Variants in ATP13A2 observed in about 807,000 individuals in gnomAD.
ATP13A2 encodes polyamine-transporting ATPase 13A2.
ATP13A2 carries 83 observed loss-of-function variants against 138.3 expected under a neutral mutation model. That is an observed-to-expected ratio of 0.60 (90% CI 0.50 to 0.72). ATP13A2 has a LOEUF of 0.72. Among genes scored for constraint, ATP13A2 ranks in the 30% least tolerant of loss-of-function variants. The pLI, the probability that ATP13A2 is intolerant of heterozygous loss-of-function variation, is 0.00. For missense variants in ATP13A2, 1,402 were observed against 1,606.4 expected (o/e 0.87, Z 2.17); for synonymous variants, 663 against 699.0 (o/e 0.95, Z 0.81).
chr1:16,998,273 C>T (rs990071306), intron 11 of ATP13A2, among the ~76,000 whole-genome samples: 16 of 152,140 alleles, frequency 1.1e-4, no homozygotes, highest in Non-Finnish European at 1.8e-4. Context: ...GGTGCGATCT[C>T]GGCTCACTGC....
chr1:17,005,091 G>A lies in ATP13A2; in HGVS notation c.289-19C>T. The A allele has an allele frequency of 6.2e-7, 1 of 1,614,004 alleles. No individual in the cohort carries two copies. Among genetic ancestry groups the A allele is most frequent in the Non-Finnish European group, 8.5e-7 (1 of 1,179,960 alleles). On this transcript the variant is annotated intron_variant, in intron 3 of 28. Coordinates refer to ENST00000326735, the MANE Select transcript of ATP13A2 (RefSeq NM_022089.4). Reference sequence around the variant, plus strand: ...AACTATCCTGGAACACAGAGGTATGGACTCAGTCTCAGAAGAGTCCCCTCC... The same window carrying A: ...AACTATCCTGGAACACAGAGGTATGAACTCAGTCTCAGAAGAGTCCCCTCC...
rs1412871896 is a variant in ATP13A2, at chr1:16,986,056, A to G, written c.*165T>C. 2.7e-6 allele frequency: 4 copies of G among 1,507,150 alleles called. No homozygotes were observed. The highest frequency in any genetic ancestry group is 4.9e-5 in the East Asian group (2 of 40,694). 93.4% of individuals were successfully genotyped at this position (1,507,150 alleles called of 1,614,324 possible). A position where few individuals can be genotyped will look rare whatever the true frequency, so the allele number is the denominator to read the frequency against. ...CGCGGGATGGTCCAAGGTAGGGGAC[A>G]GTAGTCAACGCTTCCCCAGGGTGGG... On this transcript the variant is annotated 3_prime_UTR_variant, in exon 29 of 29. Transcript: ENST00000326735. The surrounding 1 kb of genome is among the most constrained non-coding windows in gnomAD (Gnocchi z 6.9).
chr1:17,007,709 G>C (rs943784319), intron 1 of ATP13A2, among the ~76,000 whole-genome samples: 3 of 151,798 alleles, frequency 2.0e-5, no homozygotes, highest in Non-Finnish European at 2.9e-5. Context: ...CCGCCACCAC[G>C]CCCGGCTAAT....
chr1:17,001,692 T>C (rs2077363011), intron 8 of ATP13A2, among the ~76,000 whole-genome samples: 2 of 152,102 alleles, frequency 1.3e-5, no homozygotes, highest in African/African-American at 2.4e-5. Context: ...CACGGGACTG[T>C]TGGGAGCATG....
chr1:17,004,050 T>C lies in ATP13A2; in HGVS notation c.557+282A>G, dbSNP rs2077461740. Reference sequence around the variant, plus strand: ...TCTGAGTACAGAGCTGATAGTCTGATTCACAGTGGTGTCACAACCTCAGAT... The same window carrying C: ...TCTGAGTACAGAGCTGATAGTCTGACTCACAGTGGTGTCACAACCTCAGAT... On this transcript the variant is annotated intron_variant, in intron 6 of 28. Coordinates refer to ENST00000326735, the MANE Select transcript of ATP13A2 (RefSeq NM_022089.4). The surrounding 1 kb of genome is among the most constrained non-coding windows in gnomAD (Gnocchi z 4.1). Among the ~76,000 whole-genome samples, 1 of 152,242 alleles carries C rather than the reference T, an allele frequency of 6.6e-6. No individual in the cohort carries two copies.
In ATP13A2 at chr1:17,004,418, G is replaced by A. The variant is rs753369965; in HGVS notation, c.478-7C>T. Reference sequence around the variant, plus strand: ...AATACCGCAGCACCCGCTTCTGGGTGGGAGAGAGGAGAGGATGGGTTGGAA... The same window carrying A: ...AATACCGCAGCACCCGCTTCTGGGTAGGAGAGAGGAGAGGATGGGTTGGAA... On this transcript the variant is annotated splice_region_variant and splice_polypyrimidine_tract_variant and intron_variant, in intron 5 of 28. Coordinates refer to ENST00000326735, the MANE Select transcript of ATP13A2 (RefSeq NM_022089.4). The surrounding 1 kb of genome is among the most constrained non-coding windows in gnomAD (Gnocchi z 4.1). 6.2e-6 allele frequency: 10 copies of A among 1,614,010 alleles called. No individual in the cohort carries two copies. The Admixed American group carries it at 1.7e-4, about 27-fold the overall frequency.
chr1:17,006,398 G>A (rs548136054), intron 1 of ATP13A2, among the ~76,000 whole-genome samples: 1 of 151,046 alleles, frequency 6.6e-6, no homozygotes, highest in South Asian at 2.1e-4. Context: ...TTATAGGCAT[G>A]CACCACCATG....
In ATP13A2 at chr1:16,998,300, G is replaced by A. The variant is rs147138246; in HGVS notation, c.1040-1125C>T. 1.7e-4 allele frequency among the ~76,000 whole-genome samples: 26 copies of A among 152,176 alleles called. No homozygotes were observed. In the East Asian group the frequency reaches 5.0e-3, roughly 29 times the overall value. On this transcript the variant is annotated intron_variant, in intron 11 of 28. Transcript: ENST00000326735. ...GCTCACTGCAACCTCCACCTCCTAG[G>A]CTCAAACGATCCTCCCACCTCAGCC...
chr1:16,994,007 G>C (rs1371276287), intron 15 of ATP13A2, among the ~76,000 whole-genome samples, 172 bp from the exon 16 acceptor site: 1 of 152,072 alleles, frequency 6.6e-6, no homozygotes, highest in African/African-American at 2.4e-5. Flanking sequence ...GATTCCCTCT[G>C]CTGGGGTCCC....
chr1:16,988,023 G>A, intron 25 of ATP13A2, 115 bp downstream of exon 25: 2 of 969,724 alleles, frequency 2.1e-6, no homozygotes, highest in South Asian at 1.4e-5. Flanking sequence ...GAGTGGCAGG[G>A]TCAGGATCTG....
chr1:16,996,480 T>G lies in ATP13A2; in HGVS notation c.1212A>C (p.Lys404Asn). The stretch of plus-strand genomic sequence containing the variant: ...GCAAGATGGAGCTCACCAGGCCCCC[T>G]TTTGCCGTGCAGAACCCTGGGGAGG... ...VVTRTGFCTA[K>N]GGLVSSILHP... is the part of the protein sequence containing the mutation. Residue 404 changes from lysine (K) to asparagine (N), a missense_variant, in exon 13 of 29, where the codon AAA becomes AAC. Transcript: ENST00000326735. 6.2e-7 allele frequency: 1 copy of G among 1,613,826 alleles called. No individual in the cohort carries two copies. The highest frequency in any genetic ancestry group is 2.2e-5 in the East Asian group (1 of 44,860).
chr1:17,005,376 C>G lies in ATP13A2; in HGVS notation c.286G>C (p.Glu96Gln). Residue 96 changes from glutamate (E) to glutamine (Q), a missense_variant and splice_region_variant, in exon 3 of 29, where the codon GAG becomes CAG. Glu to Gln is a conservative substitution (Grantham distance 29). Transcript: ENST00000326735. ...ETLVIEIRDK[E>Q]DSSWQLFTVQ... is the part of the protein sequence containing the mutation. ...CCCAGGCTCAGCCTGACTCTCACCTCTTTGTCTCTTATTTCGATAACGAGT... is the reference window on the plus strand; with the variant it reads ...CCCAGGCTCAGCCTGACTCTCACCTGTTTGTCTCTTATTTCGATAACGAGT... 6.3e-7 allele frequency: 1 copy of G among 1,597,570 alleles called. No individual in the cohort carries two copies. Among genetic ancestry groups the G allele is most frequent in the Non-Finnish European group, 8.5e-7 (1 of 1,171,826 alleles).
chr1:17,007,479 G>A (rs1032328521), intron 1 of ATP13A2, among the ~76,000 whole-genome samples: 1 of 151,932 alleles, frequency 6.6e-6, no homozygotes, highest in African/African-American at 2.4e-5. Context: ...AGCTGGGCGG[G>A]TGCGGGGTAG....
chr1:16,997,993 G>A (rs907652197), intron 11 of ATP13A2, among the ~76,000 whole-genome samples: 2 of 152,138 alleles, frequency 1.3e-5, no homozygotes, highest in Non-Finnish European at 2.9e-5. Context: ...GTGAAGTCCT[G>A]GGCAGGCTGC....
chr1:16,993,848 G>T lies in ATP13A2; in HGVS notation c.1543-13C>A. 6.5e-7 allele frequency: 1 copy of T among 1,542,510 alleles called. No individual in the cohort carries two copies. The highest frequency in any genetic ancestry group is 8.7e-7 in the Non-Finnish European group (1 of 1,142,928). ...TGAGGGTGCCCGTCTGTGGGAGACA[G>T]GTGGGTGGGGCAGCGATGAGTCCTG... is the stretch of plus-strand genomic sequence containing the variant. On this transcript the variant is annotated splice_polypyrimidine_tract_variant and intron_variant, in intron 15 of 28. Transcript: ENST00000326735.
chr1:17,009,065 A>C (rs1182406101), intron 1 of ATP13A2, among the ~76,000 whole-genome samples: 2 of 151,994 alleles, frequency 1.3e-5, no homozygotes, highest in Non-Finnish European at 2.9e-5. Context: ...ACCAACCCAC[A>C]AGGTGGGCTC....
At position 16,986,319 on chromosome 1, in the gene ATP13A2, G is replaced by A. The variant is rs905972894; in HGVS notation, c.3445C>T (p.Leu1149Phe). The A allele has an allele frequency of 6.3e-7, 1 of 1,587,908 alleles. No individual in the cohort carries two copies. Among genetic ancestry groups the A allele is most frequent in the Non-Finnish European group, 8.6e-7 (1 of 1,168,702 alleles). Residue 1149 changes from leucine to phenylalanine, a missense_variant, in exon 29 of 29, where the codon CTC becomes TTC. Transcript: ENST00000326735. This position sits in a 1 kb window ranked among gnomAD's most constrained non-coding sequence, Gnocchi z 6.9. ...DQCLPACLRR[L>F]RPKRASKKRF... ...TTCTTGGAGGCCCGCTTGGGCCGGA[G>A]GCGGCGCAGGCAGGCGGGGAGGCAC...
chr1:16,998,919 C>A (rs1161082560), intron 11 of ATP13A2, among the ~76,000 whole-genome samples: 1 of 152,028 alleles, frequency 6.6e-6, no homozygotes, highest in Non-Finnish European at 1.5e-5. Context: ...CAGAAAAAGG[C>A]GTGGAAGACA....
chr1:17,009,553 G>C (rs1332043680), intron 1 of ATP13A2, among the ~76,000 whole-genome samples: 11 of 151,856 alleles, frequency 7.2e-5, no homozygotes, highest in Non-Finnish European at 1.5e-4. Flanking sequence ...AGGTGCCACT[G>C]CACCAGGCTA....
Sources: gnomAD v4.1 joint callset for allele counts (sites outside exome capture counted in the v4.1 genomes callset) on GRCh38, gnomAD v4.1.1 for gene constraint, Gnocchi (gnomAD v3.1) non-coding constraint, MANE v1.5 for transcripts, NCBI Gene and HGNC (gene_info 2026-07-23, HGNC 2026-07-21) for gene names.